The following ZNF157 variants were observed in gnomAD, a reference collection of about 807,000 sequenced individuals.
ZNF157 encodes zinc finger protein 22.
In ZNF157, 8 loss-of-function variants were observed where a neutral mutation model predicts 9.4. The observed-to-expected ratio is 0.85, with a 90% confidence interval of 0.50 to 1.53. The LOEUF (loss-of-function observed/expected upper bound fraction) is 1.53, where lower values mean the gene tolerates loss of function less well. Among genes scored for constraint, ZNF157 ranks in the 40% most tolerant of loss-of-function variants. The probability of loss-of-function intolerance (pLI) is 0.00; values close to 1 mark genes in which losing one functional copy is unlikely to be tolerated. For synonymous variants in ZNF157, 120 were observed against 130.8 expected, an observed-to-expected ratio of 0.92 and a Z score of 0.56; for missense variants, 316 against 385.2, an observed-to-expected ratio of 0.82 and a Z score of 1.50.
At chrX:47,390,939 T>C (rs1283913014) in intron 1 of ZNF157, 1 of 112,238 alleles carries the variant, frequency 8.9e-6, no homozygotes, top group Non-Finnish European at 1.9e-5. Flanking sequence ...TTTTTGTCAA[T>C]TGTTCTTGTT....
intron 3 of ZNF157, among the ~76,000 whole-genome samples, chrX:47,411,145 C>T (rs186520609): frequency 2.0e-4 from 22 of 109,887 alleles, no homozygotes; most frequent in East Asian, 5.8e-4. Context: ...CGTGCCACCA[C>T]GCCTGGCTAA....
chrX:47,401,513 A>G lies in ZNF157; in HGVS notation c.73-8763A>G, dbSNP rs146087015. Among the ~76,000 whole-genome samples, 476 of 112,056 alleles carry G rather than the reference A, an allele frequency of 4.2e-3. 2 individuals are homozygous for G. Among genetic ancestry groups the G allele is most frequent in the South Asian group, 8.9e-3 (24 of 2,696 alleles). ...ATGTGGAACATGCATCCTGCAAATG[A>G]CAAGTAACCTGATTAGGTACTGTGT... On this transcript the variant is annotated intron_variant, in intron 1 of 3. Coordinates refer to ENST00000377073, the MANE Select transcript of ZNF157 (RefSeq NM_003446.4).
At chrX:47,392,983 C>T (rs1393439163) in intron 1 of ZNF157, among the ~76,000 whole-genome samples, 1 of 110,408 alleles carries the variant, frequency 9.1e-6, no homozygotes, top group Non-Finnish European at 1.9e-5. Context: ...GGTGAAACCC[C>T]GTCTCTATTA....
chrX:47,374,513 C>T (rs1258629335), intron 1 of ZNF157, among the ~76,000 whole-genome samples: 1 of 104,076 alleles, frequency 9.6e-6, no homozygotes, highest in Non-Finnish European at 2.0e-5. Flanking sequence ...ATTCTCATGC[C>T]TTAGCCTCCT....
intron 1 of ZNF157, among the ~76,000 whole-genome samples, chrX:47,410,043 C>T (rs1246861370): frequency 9.0e-6 from 1 of 111,634 alleles, no homozygotes; most frequent in African/African-American, 3.2e-5. Flanking sequence ...TACTGAGGCA[C>T]ATAGTGTTAA....
chrX:47,370,688 C>T lies in ZNF157; in HGVS notation c.20C>T (p.Ser7Leu), dbSNP rs2055826077. The change falls in exon 1 of 4, where the codon TCA becomes TTA. Residue 7 changes from serine (S) to leucine (L), a missense_variant. Ser to Leu is a moderately radical substitution (Grantham distance 145). This residue lies in a region of ZNF157 where 146 missense variants were observed against 183.8 expected (regional missense o/e 0.79). Transcript: ENST00000377073. The part of the protein sequence containing the change: MPANGT[S>L]PQRFPALIPG... ...GTGAACATGCCAGCTAATGGGACAT[C>T]ACCCCAGAGATTCCCTGCCCTGATT... 8.3e-7 allele frequency: 1 copy of T among 1,204,368 alleles called. No homozygotes were observed. The highest frequency in any genetic ancestry group is 1.8e-5 in the African/African-American group (1 of 56,914).
chrX:47,380,746 T>A (rs2055859030), intron 1 of ZNF157, among the ~76,000 whole-genome samples: 1 of 101,460 alleles, frequency 9.9e-6, no homozygotes, highest in Non-Finnish European at 2.0e-5. Flanking sequence ...TTATTATTAT[T>A]ATTTTTCTTT....
chrX:47,395,726 A>AG (rs1381944651), intron 1 of ZNF157, among the ~76,000 whole-genome samples: 1 of 111,669 alleles, frequency 9.0e-6, no homozygotes, highest in Non-Finnish European at 1.9e-5. Context: ...GCACTTTGGG[A>AG]GGCCGAGGTG....
chrX:47,400,823 T>G (rs999120797), intron 1 of ZNF157, among the ~76,000 whole-genome samples: 7 of 111,100 alleles, frequency 6.3e-5, no homozygotes, highest in African/African-American at 2.3e-4. Flanking sequence ...GCCTGGCTAA[T>G]TTTTTATATT....
At chrX:47,375,561 G>T (rs1482142318) in intron 1 of ZNF157, among the ~76,000 whole-genome samples, 1 of 111,344 alleles carries the variant, frequency 9.0e-6, no homozygotes, top group Non-Finnish European at 1.9e-5. Flanking sequence ...TTGGCAAATA[G>T]ATCATGACAT....
Position 47,413,496 on chromosome X carries a change from T to C in ZNF157, c.1423T>C (p.Cys475Arg), listed in dbSNP as rs141101492. ...TGERPFECQE[C>R]GKAFCRKAHL... ...AGAGAGACCCTTTGAGTGTCAAGAA[T>C]GTGGGAAAGCTTTCTGCCGGAAAGC... The change falls in exon 4 of 4, where the codon TGT becomes CGT. Residue 475 changes from cysteine to arginine, a missense_variant. Around this residue, in one of 3 missense-constraint regions of ZNF157, gnomAD observed 167 missense variants for 183.6 expected, o/e 0.91. Coordinates refer to ENST00000377073, the MANE Select transcript of ZNF157 (RefSeq NM_003446.4). The C allele has an allele frequency of 8.3e-7, 1 of 1,210,525 alleles. No individual in the cohort carries two copies. The highest frequency in any genetic ancestry group is 1.1e-6 in the Non-Finnish European group (1 of 895,410).
intron 1 of ZNF157, among the ~76,000 whole-genome samples, chrX:47,380,464 G>A (rs1002786739): frequency 9.0e-6 from 1 of 111,555 alleles, no homozygotes; most frequent in African/African-American, 3.3e-5. Flanking sequence ...GCTTGTCAGC[G>A]CTTGAGAAGG....
chrX:47,394,959 C>T (rs1292174711), intron 1 of ZNF157, among the ~76,000 whole-genome samples: 1 of 111,578 alleles, frequency 9.0e-6, no homozygotes, highest in Non-Finnish European at 1.9e-5. Context: ...GCTGGGTCTA[C>T]AGGAGCACAC....
chrX:47,381,019 GAGGAGGAGGAGC>G (rs1337230856), intron 1 of ZNF157, among the ~76,000 whole-genome samples: 2 of 103,858 alleles, frequency 1.9e-5, no homozygotes, highest in Non-Finnish European at 3.9e-5. Context: ...AGAGGAGCAG[GAGGAGGAGGAGC>G]AGGAGGAGGA....
At chrX:47,396,869 T>C (rs2055915023) in intron 1 of ZNF157, among the ~76,000 whole-genome samples, 1 of 112,058 alleles carries the variant, frequency 8.9e-6, no homozygotes, top group Admixed American at 9.6e-5. Flanking sequence ...AGTCACATCT[T>C]ACATGGTGGC....
At chrX:47,394,876 T>C (rs1317123573) in intron 1 of ZNF157, among the ~76,000 whole-genome samples, 1 of 111,155 alleles carries the variant, frequency 9.0e-6, no homozygotes, top group Non-Finnish European at 1.9e-5. Context: ...TGGAGTACAG[T>C]GGTGTGATCT....
intron 1 of ZNF157, among the ~76,000 whole-genome samples, chrX:47,401,198 A>T (rs1380323961): frequency 1.8e-5 from 2 of 111,858 alleles, no homozygotes; most frequent in African/African-American, 6.5e-5. Flanking sequence ...AGGTTTCAAG[A>T]TTATTTTATC....
rs186196483 is a variant in ZNF157 at position 47,391,373 on chromosome X, A to G, written c.73-18903A>G. ...TCTTATCTGAAATACTTGGCACCAG[A>G]AGTGTTTTGGATTTTTTTTCTTATT... On this transcript the variant is annotated intron_variant, in intron 1 of 3. Coordinates refer to ENST00000377073, the MANE Select transcript of ZNF157 (RefSeq NM_003446.4). The G allele has an allele frequency of 3.6e-5, 4 of 111,757 alleles. No homozygotes were observed. In the Admixed American group the frequency reaches 3.8e-4, roughly 11 times the overall value. 9.2% of individuals were successfully genotyped at this position (111,757 alleles called of 1,213,427 possible).
In ZNF157 at chrX:47,413,087, C is replaced by A; in HGVS notation, c.1014C>A (p.Phe338Leu). The change falls in exon 4 of 4, where the codon TTC (phenylalanine) becomes TTA (leucine). Residue 338 changes from phenylalanine to leucine, a missense_variant. Phe to Leu is a conservative substitution (Grantham distance 22). Coordinates refer to ENST00000377073, the MANE Select transcript of ZNF157 (RefSeq NM_003446.4). ...KPYECGECGK[F>L]FRMKMTLNNH... is the part of the protein sequence containing the mutation. ...ATGAGTGTGGTGAATGTGGGAAATT[C>A]TTCCGAATGAAGATGACTCTCAATA... 8.3e-7 allele frequency: 1 copy of A among 1,210,702 alleles called. No individual in the cohort carries two copies.
Sources: allele counts gnomAD v4.1 joint callset (sites outside exome capture counted in the v4.1 genomes callset), GRCh38; gene constraint gnomAD v4.1.1; regional missense constraint gnomAD v4.1.1; transcripts MANE v1.5; gene names NCBI Gene and HGNC (gene_info 2026-07-23, HGNC 2026-07-21).